Variants in ST7 observed in about 807,000 individuals in gnomAD.
ST7 encodes suppressor of tumorigenicity 7 protein.
In ST7, 28 loss-of-function variants were observed where a neutral mutation model predicts 78.7. The observed-to-expected ratio is 0.36, with a 90% CI of 0.26 to 0.49. The LOEUF is 0.49. ST7 is among the 20% of genes least tolerant of loss of function. The pLI, the probability that ST7 is intolerant of heterozygous loss-of-function variation, is 0.99. For synonymous variants in ST7, 247 were observed against 249.6 expected (o/e 0.99, Z 0.10); for missense variants, 418 against 696.0 (o/e 0.60, Z 4.49).
intron 1 of ST7, among the ~76,000 whole-genome samples, chr7:117,049,040 A>T (rs59238954): frequency 1.3e-5 from 2 of 152,240 alleles, no homozygotes; most frequent in Admixed American, 6.5e-5. Context: ...GAACCAATCC[A>T]GAAAAAGGGT....
intron 1 of ST7, among the ~76,000 whole-genome samples, chr7:117,028,219 G>A (rs1345229414): frequency 2.0e-5 from 3 of 152,160 alleles, no homozygotes; most frequent in East Asian, 3.8e-4. Flanking sequence ...CATTCTTAAA[G>A]GTTAAGTAAA....
intron 2 of ST7, among the ~76,000 whole-genome samples, chr7:117,106,573 C>T (rs1010124840): frequency 4.0e-5 from 6 of 151,272 alleles, no homozygotes; most frequent in African/African-American, 1.5e-4. Flanking sequence ...CACCCTCTTC[C>T]CACTCTTTCC....
intron 8 of ST7, chr7:117,136,544 T>C: frequency 1.9e-6 from 1 of 528,646 alleles, no homozygotes; most frequent in Admixed American, 3.6e-5. Flanking sequence ...TGTTCATCAG[T>C]TGCTTCTGCT....
chr7:117,014,831 G>C, intron 1 of ST7: 1 of 410,964 alleles, frequency 2.4e-6, no homozygotes, highest in Non-Finnish European at 4.2e-6. Flanking sequence ...GCAAAGGAGA[G>C]CAGAGCCCAG....
intron 12 of ST7, among the ~76,000 whole-genome samples, chr7:117,203,278 T>G (rs981720670): frequency 6.6e-6 from 1 of 152,226 alleles, no homozygotes; most frequent in Admixed American, 6.5e-5. Flanking sequence ...TGTGTAACCC[T>G]GAACAAGTTA....
intron 10 of ST7, among the ~76,000 whole-genome samples, chr7:117,186,252 C>A (rs1809245870): frequency 6.6e-6 from 1 of 152,124 alleles, no homozygotes; most frequent in Non-Finnish European, 1.5e-5. Context: ...TACATCTTCT[C>A]TTTGGCATAT....
chr7:117,189,876 G>T (rs1353998329), intron 11 of ST7, among the ~76,000 whole-genome samples: 2 of 152,148 alleles, frequency 1.3e-5, no homozygotes, highest in Non-Finnish European at 2.9e-5. Context: ...TGGTACGTTT[G>T]CCTATTTTGT....
At chr7:116,965,297 A>G (rs1019252165) in intron 1 of ST7, among the ~76,000 whole-genome samples, 7 of 146,434 alleles carry the variant, frequency 4.8e-5, no homozygotes, top group South Asian at 2.2e-4. Context: ...CTGAGATTGC[A>G]CCACTGCACT....
At position 117,186,675 on chromosome 7, in the gene ST7, T is replaced by C. The variant is rs577786633; in HGVS notation, c.1079-2646T>C. Among the ~76,000 whole-genome samples the C allele has an allele frequency of 2.6e-4, 40 of 152,352 alleles. No individual in the cohort carries two copies. In the South Asian group the frequency reaches 8.1e-3, roughly 31 times the overall value. On this transcript the variant is annotated intron_variant, in intron 10 of 15. Transcript: ENST00000323984. ...CCAATCTTTGTGCATAGAAATGCTTTTAAAAATGAATATTAAAGCATACTT... is the reference window on the plus strand; with the variant it reads ...CCAATCTTTGTGCATAGAAATGCTTCTAAAAATGAATATTAAAGCATACTT...
intron 2 of ST7, among the ~76,000 whole-genome samples, chr7:117,109,528 T>C (rs1802251459): frequency 6.6e-6 from 1 of 152,026 alleles, no homozygotes. Flanking sequence ...AAATTGAAAG[T>C]CTGAACAGAT....
chr7:116,977,992 C>T lies in ST7; in HGVS notation c.151+24301C>T, dbSNP rs571136356. Among the ~76,000 whole-genome samples, 4 of 152,308 alleles carry T rather than the reference C, an allele frequency of 2.6e-5. No homozygotes were observed. The South Asian group carries it at 6.2e-4, about 24-fold the overall frequency. ...TAACATTTCCAGAGCCCTCCTCTGG[C>T]TTCTACTTCTCATTTCTCACTTCTC... On this transcript the variant is annotated intron_variant, in intron 1 of 15. Coordinates refer to ENST00000323984, the MANE Select transcript of ST7 (RefSeq NM_001369598.1).
At chr7:116,964,265 T>G (rs1156556762) in intron 1 of ST7, among the ~76,000 whole-genome samples, 1 of 152,236 alleles carries the variant, frequency 6.6e-6, no homozygotes, top group Non-Finnish European at 1.5e-5. Context: ...TACAGTTCTC[T>G]TTGTTAAGCT....
At chr7:117,118,625 T>G (rs1803101111) in intron 2 of ST7, among the ~76,000 whole-genome samples, 1 of 152,212 alleles carries the variant, frequency 6.6e-6, no homozygotes, top group Admixed American at 6.5e-5. Context: ...TGGGATATGA[T>G]TGATTCTTAA....
chr7:117,092,035 C>G (rs71564580), intron 1 of ST7, among the ~76,000 whole-genome samples: 1 of 152,120 alleles, frequency 6.6e-6, no homozygotes, highest in African/African-American at 2.4e-5. Context: ...AGGAGGATCT[C>G]TCTGTCTGCC....
At chr7:116,955,394 C>T (rs1792408608) in intron 1 of ST7, among the ~76,000 whole-genome samples, 1 of 152,112 alleles carries the variant, frequency 6.6e-6, no homozygotes, top group South Asian at 2.1e-4. Flanking sequence ...TTGCTGTCAT[C>T]CCTTGGTGGA....
intron 2 of ST7, among the ~76,000 whole-genome samples, chr7:117,108,277 G>A (rs1410689877): frequency 2.0e-5 from 3 of 152,254 alleles, no homozygotes; most frequent in East Asian, 1.9e-4. Context: ...TAAGGTGAGC[G>A]ATGAGGATCT....
chr7:117,142,644 T>C (rs552584674), intron 9 of ST7, among the ~76,000 whole-genome samples: 1 of 152,226 alleles, frequency 6.6e-6, no homozygotes, highest in African/African-American at 2.4e-5. Flanking sequence ...ATGGGGTCTC[T>C]TTCTGTCTCC....
intron 10 of ST7, among the ~76,000 whole-genome samples, chr7:117,178,514 G>A (rs1035248072): frequency 3.9e-5 from 6 of 152,104 alleles, no homozygotes; most frequent in African/African-American, 1.4e-4. Context: ...TGAGTGAATT[G>A]ATACATAAGA....
chr7:116,985,157 T>TA, intron 1 of ST7, among the ~76,000 whole-genome samples: 1 of 152,298 alleles, frequency 6.6e-6, no homozygotes, highest in African/African-American at 2.4e-5. Flanking sequence ...TTTTTAAGGG[T>TA]AAAATTTAGG....
Sources: gnomAD v4.1 joint callset for allele counts (sites outside exome capture counted in the v4.1 genomes callset) on GRCh38, gnomAD v4.1.1 for gene constraint, MANE v1.5 for transcripts, NCBI Gene and HGNC (gene_info 2026-07-23, HGNC 2026-07-21) for gene names.